SCHIP1: variants seen among roughly 807,000 people sequenced by gnomAD.
The protein encoded by SCHIP1 is schwannomin-interacting protein 1.
Under a neutral mutation model 29.7 loss-of-function variants are expected in SCHIP1, and 8 were observed. The observed-to-expected ratio is 0.27, with a 90% confidence interval of 0.16 to 0.49. SCHIP1 has a LOEUF of 0.49. SCHIP1 is among the 20% of genes least tolerant of loss of function. The pLI is 0.99. For missense variants in SCHIP1, 193 were observed against 294.6 expected (o/e 0.66, Z 2.52); for synonymous variants, 76 against 94.9 (o/e 0.80, Z 1.16).
chr3:159,384,985 A>G, the SCHIP1 span, among the ~76,000 whole-genome samples: 6 of 152,030 alleles, frequency 3.9e-5, no homozygotes, highest in African/African-American at 1.4e-4. Flanking sequence ...TATTGCATCT[A>G]TTTGATTCTT....
the SCHIP1 span, among the ~76,000 whole-genome samples, chr3:159,692,097 C>T: frequency 1.8e-4 from 26 of 147,016 alleles, no homozygotes; most frequent in African/African-American, 5.1e-4. Context: ...GGCGCAATCT[C>T]GGCTCACTGC....
the SCHIP1 span, among the ~76,000 whole-genome samples, chr3:159,652,104 A>C: frequency 1.6e-4 from 22 of 139,168 alleles, no homozygotes; most frequent in Non-Finnish European, 3.2e-4. Context: ...ACTCCATCTC[A>C]AAAAAAAAAA....
chr3:159,794,854 G>C, the SCHIP1 span, among the ~76,000 whole-genome samples: 4 of 152,112 alleles, frequency 2.6e-5, no homozygotes, highest in Non-Finnish European at 5.9e-5. Context: ...GAGGGGAAAG[G>C]CTCCTGGCAG....
At chr3:159,705,614 G>A in the SCHIP1 span, among the ~76,000 whole-genome samples, 517 of 152,302 alleles carry the variant, frequency 3.4e-3, 4 homozygotes, top group African/African-American at 0.012. Context: ...TGGTGGAGGT[G>A]AAGATGGTCA....
At chr3:159,608,024 GC>G in the SCHIP1 span, among the ~76,000 whole-genome samples, 55 of 152,152 alleles carry the variant, frequency 3.6e-4, no homozygotes, top group Non-Finnish European at 6.5e-4. Context: ...GAGAACATGA[GC>G]CACAGGAATT....
chr3:159,704,260 C>T, the SCHIP1 span, among the ~76,000 whole-genome samples: 1 of 151,928 alleles, frequency 6.6e-6, no homozygotes, highest in Non-Finnish European at 1.5e-5. Flanking sequence ...CACAGTGAAA[C>T]TCTGTCTCTA....
At chr3:159,422,808 A>G in the SCHIP1 span, among the ~76,000 whole-genome samples, 1 of 152,164 alleles carries the variant, frequency 6.6e-6, no homozygotes, top group Non-Finnish European at 1.5e-5. Context: ...ACAGTATTCC[A>G]TTGTGTGGGT....
the SCHIP1 span, among the ~76,000 whole-genome samples, chr3:159,706,015 A>G: frequency 2.6e-5 from 4 of 151,974 alleles, 1 homozygote; most frequent in South Asian, 8.4e-4. Context: ...TTAGGATATG[A>G]CTCTTGATCA....
At chr3:159,514,854 G>A in the SCHIP1 span, among the ~76,000 whole-genome samples, 1 of 152,178 alleles carries the variant, frequency 6.6e-6, no homozygotes, top group East Asian at 1.9e-4. Context: ...TTCCAAAACA[G>A]ATCTGCCCAC....
the SCHIP1 span, among the ~76,000 whole-genome samples, chr3:159,423,353 T>C: frequency 3.3e-5 from 5 of 152,226 alleles, no homozygotes; most frequent in Non-Finnish European, 5.9e-5. Flanking sequence ...CACTCCCACC[T>C]GAATACTGCA....
At chr3:159,715,713 A>C in the SCHIP1 span, among the ~76,000 whole-genome samples, 1 of 152,200 alleles carries the variant, frequency 6.6e-6, no homozygotes, top group Non-Finnish European at 1.5e-5. Context: ...AAAGAGTAAA[A>C]AGAAATGAAC....
the SCHIP1 span, among the ~76,000 whole-genome samples, chr3:159,379,981 T>G: frequency 1.3e-5 from 2 of 152,212 alleles, no homozygotes; most frequent in Non-Finnish European, 2.9e-5. Flanking sequence ...ACAAATACAA[T>G]TTTGCATTGC....
intron 5 of SCHIP1, among the ~76,000 whole-genome samples, chr3:159,891,418 G>A (rs368819166): frequency 4.0e-5 from 6 of 151,424 alleles, no homozygotes; most frequent in Non-Finnish European, 5.9e-5. Context: ...GGAAGGGAGC[G>A]AGGGAGGGAG....
At chr3:159,698,057 T>C in the SCHIP1 span, among the ~76,000 whole-genome samples, 1 of 152,260 alleles carries the variant, frequency 6.6e-6, no homozygotes, top group Non-Finnish European at 1.5e-5. Flanking sequence ...CCTGTCATGG[T>C]GGCTTGCTTT....
chr3:159,295,397 C>G, the SCHIP1 span, among the ~76,000 whole-genome samples: 1 of 152,024 alleles, frequency 6.6e-6, no homozygotes, highest in African/African-American at 2.4e-5. Flanking sequence ...CCATTGCACT[C>G]CAGCCTGGGT....
At chr3:159,497,076 A>G in the SCHIP1 span, among the ~76,000 whole-genome samples, 2 of 152,144 alleles carry the variant, frequency 1.3e-5, no homozygotes, top group Non-Finnish European at 2.9e-5. Flanking sequence ...GGACACAGGA[A>G]GGGGAACATC....
chr3:159,892,446 G>T lies in SCHIP1; in HGVS notation c.683+256G>T, dbSNP rs758157456. ...ACTTCTCACATCTCCGCCTAAATCA[G>T]GTCTAGTTCTGGTTTTGGAGGACTT... On this transcript the variant is annotated intron_variant, in intron 6 of 6. Transcript: ENST00000445224. 7.1e-4 allele frequency: 416 copies of T among 584,994 alleles called. 2 individuals are homozygous for T. Among genetic ancestry groups the T allele is most frequent in the Non-Finnish European group, 1.1e-3 (357 of 330,526 alleles). The allele number at this position is 584,994 out of a possible 1,614,324, so 36.2% of individuals were successfully genotyped here. A position where few individuals can be genotyped will look rare whatever the true frequency, so the allele number is the denominator to read the frequency against.
the SCHIP1 span, among the ~76,000 whole-genome samples, chr3:159,374,418 C>T: frequency 7.2e-5 from 11 of 152,202 alleles, no homozygotes; most frequent in African/African-American, 2.4e-4. Context: ...GAGGCATGCA[C>T]ATCTCTGTGC....
At chr3:159,352,775 T>TA in the SCHIP1 span, among the ~76,000 whole-genome samples, 2 of 151,834 alleles carry the variant, frequency 1.3e-5, no homozygotes, top group African/African-American at 4.8e-5. Flanking sequence ...AATAGCTTTT[T>TA]TTTTTTTACT....
Sources: allele counts gnomAD v4.1 joint callset (sites outside exome capture counted in the v4.1 genomes callset), GRCh38; gene constraint gnomAD v4.1.1; transcripts MANE v1.5; gene names NCBI Gene and HGNC (gene_info 2026-07-23, HGNC 2026-07-21).